OPCML: variants seen among roughly 807,000 people sequenced by gnomAD.
OPCML encodes the protein opioid binding protein/cell adhesion molecule like.
In OPCML, 13 loss-of-function variants were observed where a neutral mutation model predicts 37.8. The ratio of observed to expected loss-of-function variants is 0.34; its 90% CI spans 0.22 to 0.55. The LOEUF (loss-of-function observed/expected upper bound fraction) is 0.55, where lower values mean the gene tolerates loss of function less well. OPCML is among the 20% of genes least tolerant of loss of function. The probability of loss-of-function intolerance (pLI) is 0.91; values close to 1 mark genes in which losing one functional copy is unlikely to be tolerated. For synonymous variants in OPCML, 176 were observed against 168.8 expected (o/e 1.04, Z -0.33); for missense variants, 341 against 435.6 (o/e 0.78, Z 1.93).
chr11:133,237,439 A>G (rs1940562825), intron 1 of OPCML, among the ~76,000 whole-genome samples: 1 of 152,228 alleles, frequency 6.6e-6, no homozygotes, highest in African/African-American at 2.4e-5. Context: ...TACCAGGGCC[A>G]GGACTACAGT....
chr11:132,799,788 A>C (rs1938539801), intron 2 of OPCML, among the ~76,000 whole-genome samples: 1 of 152,146 alleles, frequency 6.6e-6, no homozygotes, highest in Non-Finnish European at 1.5e-5. Flanking sequence ...ATGCCTGTTT[A>C]TGTCTGTTCT....
chr11:133,475,896 G>A (rs1166960039), intron 1 of OPCML, among the ~76,000 whole-genome samples: 2 of 152,196 alleles, frequency 1.3e-5, no homozygotes, highest in Non-Finnish European at 2.9e-5. Flanking sequence ...TTGCCTGGTG[G>A]GAGAATGGAT....
intron 1 of OPCML, among the ~76,000 whole-genome samples, chr11:133,207,193 G>C (rs956364394): frequency 6.6e-6 from 1 of 151,690 alleles, no homozygotes; most frequent in African/African-American, 2.4e-5. Flanking sequence ...CCAGCTACTC[G>C]GGAGGCTGAG....
At chr11:133,080,373 G>C (rs751942316) in intron 1 of OPCML, among the ~76,000 whole-genome samples, 8 of 152,080 alleles carry the variant, frequency 5.3e-5, no homozygotes, top group Non-Finnish European at 1.0e-4. Context: ...TGGCCCACAC[G>C]GTGAGTAGGA....
intron 2 of OPCML, among the ~76,000 whole-genome samples, chr11:132,715,086 T>C (rs1480821030): frequency 6.6e-6 from 1 of 152,176 alleles, no homozygotes; most frequent in Non-Finnish European, 1.5e-5. Context: ...ATCACCCCAG[T>C]CCTCAGCAGG....
chr11:133,465,965 A>G (rs1460991704), intron 1 of OPCML, among the ~76,000 whole-genome samples: 3 of 152,346 alleles, frequency 2.0e-5, no homozygotes, highest in Non-Finnish European at 4.4e-5. Flanking sequence ...TGTTTTATGC[A>G]TTTGTTTAGC....
At chr11:132,619,192 G>A (rs1263000337) in intron 3 of OPCML, among the ~76,000 whole-genome samples, 2 of 152,064 alleles carry the variant, frequency 1.3e-5, no homozygotes, top group Non-Finnish European at 1.5e-5. Context: ...AAGCTCTGTC[G>A]CTTCCTCAGC....
At chr11:132,814,222 T>A (rs919451538) in intron 2 of OPCML, among the ~76,000 whole-genome samples, 3 of 152,230 alleles carry the variant, frequency 2.0e-5, no homozygotes, top group African/African-American at 7.2e-5. Flanking sequence ...CATTGTCTGC[T>A]GTTTCAGTCA....
intron 1 of OPCML, among the ~76,000 whole-genome samples, chr11:133,382,321 G>A (rs1944947223): frequency 6.6e-6 from 1 of 152,180 alleles, no homozygotes; most frequent in Non-Finnish European, 1.5e-5. Flanking sequence ...CAGGAGGGGT[G>A]GGGAATTCTG....
At chr11:132,652,210 C>T (rs942865974) in intron 3 of OPCML, among the ~76,000 whole-genome samples, 4 of 152,114 alleles carry the variant, frequency 2.6e-5, no homozygotes. Context: ...ATTAATTATC[C>T]TCTCTTTGCC....
intron 1 of OPCML, among the ~76,000 whole-genome samples, chr11:133,119,694 G>A (rs142469207): frequency 1.5e-3 from 235 of 152,258 alleles, no homozygotes; most frequent in African/African-American, 5.5e-3. Context: ...GAGGGGAGGC[G>A]AGGAAAACTT....
At chr11:132,804,100 G>A (rs1938851215) in intron 2 of OPCML, among the ~76,000 whole-genome samples, 1 of 152,142 alleles carries the variant, frequency 6.6e-6, no homozygotes, top group Admixed American at 6.5e-5. Flanking sequence ...TAAAGAGCAG[G>A]CAACACAAGA....
intron 1 of OPCML, among the ~76,000 whole-genome samples, chr11:133,017,987 A>G (rs976939724): frequency 3.9e-5 from 6 of 152,172 alleles, no homozygotes; most frequent in African/African-American, 1.2e-4. Flanking sequence ...CTTCCTTGGT[A>G]GCGCTCTGGG....
intron 2 of OPCML, among the ~76,000 whole-genome samples, chr11:132,665,778 A>G (rs1942192451): frequency 6.6e-6 from 1 of 152,180 alleles, no homozygotes; most frequent in African/African-American, 2.4e-5. Context: ...TAGTTTCCCA[A>G]GAAGAGGTAG....
At chr11:132,443,692 C>T (rs929353839) in intron 4 of OPCML, among the ~76,000 whole-genome samples, 1 of 152,216 alleles carries the variant, frequency 6.6e-6, no homozygotes, top group Non-Finnish European at 1.5e-5. Flanking sequence ...GCTGGACATC[C>T]TGTCATGGAC....
At chr11:133,322,596 CA>C (rs201389028) in intron 1 of OPCML, among the ~76,000 whole-genome samples, 3 of 150,718 alleles carry the variant, frequency 2.0e-5, no homozygotes, top group South Asian at 4.2e-4. Context: ...AGAACAACCA[CA>C]AAAAAAAAGA....
At chr11:132,981,833 C>A (rs1703453539) in intron 1 of OPCML, among the ~76,000 whole-genome samples, 1 of 152,192 alleles carries the variant, frequency 6.6e-6, no homozygotes, top group African/African-American at 2.4e-5. Context: ...CAAATGGAAA[C>A]TCATTTTTAC....
chr11:132,427,149 A>T (rs1463927385), intron 7 of OPCML, among the ~76,000 whole-genome samples: 1 of 152,196 alleles, frequency 6.6e-6, no homozygotes, highest in Non-Finnish European at 1.5e-5. Context: ...CACACTAAAA[A>T]AGAAAAGAAA....
At position 132,453,571 on chromosome 11, in the gene OPCML, G is replaced by A. The variant is rs1022041784; in HGVS notation, c.506-16212C>T. 3.3e-5 allele frequency among the ~76,000 whole-genome samples: 5 copies of A among 152,182 alleles called. No individual in the cohort carries two copies. The East Asian group carries it at 5.8e-4, about 18-fold the overall frequency. On this transcript the variant is annotated intron_variant, in intron 4 of 7. Coordinates refer to ENST00000524381, the MANE Select transcript of OPCML (RefSeq NM_001012393.5). Reference sequence around the variant, plus strand: ...AGTGCCAGTCTTATGTCATCTAATTGTCTAGTGCTGAGGGTAAGACTGATT... The same window carrying A: ...AGTGCCAGTCTTATGTCATCTAATTATCTAGTGCTGAGGGTAAGACTGATT...
Sources: allele counts gnomAD v4.1 joint callset (sites outside exome capture counted in the v4.1 genomes callset), GRCh38; gene constraint gnomAD v4.1.1; transcripts MANE v1.5; gene names NCBI Gene and HGNC (gene_info 2026-07-23, HGNC 2026-07-21).